RICTOR: variants seen among roughly 807,000 people sequenced by gnomAD.
RICTOR encodes RPTOR independent companion of MTOR complex 2.
Under a neutral mutation model 214.9 loss-of-function variants are expected in RICTOR, and 49 were observed. That is an observed-to-expected ratio of 0.23 (90% CI 0.18 to 0.29). RICTOR has a LOEUF of 0.29. Among genes scored for constraint, RICTOR ranks in the 10% least tolerant of loss-of-function variants. The pLI is 1.00. For synonymous variants in RICTOR, 717 were observed against 711.3 expected, an observed-to-expected ratio of 1.01 and a Z score of -0.13; for missense variants, 1,625 against 2,047.0, an observed-to-expected ratio of 0.79 and a Z score of 3.98.
intron 8 of RICTOR, among the ~76,000 whole-genome samples, chr5:38,979,109 G>GGT (rs1217753290): frequency 6.6e-6 from 1 of 152,064 alleles, no homozygotes; most frequent in Non-Finnish European, 1.5e-5. Context: ...ATTTTTGTGT[G>GGT]GTGTTGTTTG....
intron 2 of RICTOR, among the ~76,000 whole-genome samples, chr5:39,046,388 A>AAAG (rs536300632): frequency 1.1e-4 from 16 of 151,324 alleles, no homozygotes; most frequent in Non-Finnish European, 2.2e-4. Flanking sequence ...AAAAAAAAAA[A>AAAG]AAGAAGAAGA....
chr5:38,949,351 C>A, intron 31 of RICTOR: 1 of 1,551,040 alleles, frequency 6.4e-7, no homozygotes, highest in Non-Finnish European at 8.6e-7. Flanking sequence ...CTTAAATTGA[C>A]CTACCTGAAA....
At chr5:39,036,977 T>G (rs1226221567) in intron 2 of RICTOR, among the ~76,000 whole-genome samples, 1 of 152,146 alleles carries the variant, frequency 6.6e-6, no homozygotes, top group Non-Finnish European at 1.5e-5. Flanking sequence ...CTAATAGACA[T>G]CTACAGAACT....
Position 39,029,672 on chromosome 5 carries a change from C to G in RICTOR, c.98-8536G>C, listed in dbSNP as rs138199002. ...AAAAGAACTGAATTCAAGTCTAGCT[C>G]ATTCACCCCTAAACCATGTAGCCTT... On this transcript the variant is annotated intron_variant, in intron 2 of 37. Transcript: ENST00000357387. 3.8e-3 allele frequency among the ~76,000 whole-genome samples: 580 copies of G among 152,278 alleles called. 7 individuals are homozygous for G. Among genetic ancestry groups the G allele is most frequent in the Non-Finnish European group, 2.3e-3 (156 of 67,996 alleles).
chr5:39,030,679 T>C (rs1756214119), intron 2 of RICTOR, among the ~76,000 whole-genome samples: 1 of 152,226 alleles, frequency 6.6e-6, no homozygotes, highest in Non-Finnish European at 1.5e-5. Flanking sequence ...CTTACAATTA[T>C]CTTCAAATGC....
At chr5:38,947,779 T>C (rs960669817) in intron 31 of RICTOR, among the ~76,000 whole-genome samples, 5 of 152,158 alleles carry the variant, frequency 3.3e-5, no homozygotes, top group African/African-American at 7.2e-5. Context: ...AGGACTATCT[T>C]CATAATCACT....
At chr5:38,998,515 T>G (rs1347175597) in intron 5 of RICTOR, among the ~76,000 whole-genome samples, 1 of 152,148 alleles carries the variant, frequency 6.6e-6, no homozygotes, top group Non-Finnish European at 1.5e-5. Context: ...AATGTTCACA[T>G]TCTATCAGAC....
intron 2 of RICTOR, among the ~76,000 whole-genome samples, chr5:39,046,028 A>AAAAT (rs141969707): frequency 0.029 from 4,118 of 140,222 alleles, 79 homozygotes; most frequent in Middle Eastern, 0.039. Flanking sequence ...TCTGTCTTTA[A>AAAAT]AAATAAATAA....
chr5:38,969,999 G>GT (rs1328083622), intron 11 of RICTOR: 1 of 151,956 alleles, frequency 6.6e-6, no homozygotes, highest in African/African-American at 2.4e-5. Context: ...TATTTTTATT[G>GT]TACCTTTTCT....
At position 38,962,320 on chromosome 5, in the gene RICTOR, TA is replaced by T; in HGVS notation, c.1709del (p.Leu570TyrfsTer35). The stretch of plus-strand genomic sequence containing the variant: ...GCAAAATAGTTCTTACATACCTGTG[TA>T]ACTGTTCATCTTTATAGTTTCTTAG... ...VNLRNYKDEQ[L>X]HRFVRRLLYF... On this transcript the variant is annotated frameshift_variant, in exon 19 of 38. Coordinates refer to ENST00000357387, the MANE Select transcript of RICTOR (RefSeq NM_152756.5). LOFTEE classifies it high-confidence loss of function. 1 of 1,414,018 alleles carries T rather than the reference TA, an allele frequency of 7.1e-7. No homozygotes were observed. Among genetic ancestry groups the T allele is most frequent in the Non-Finnish European group, 9.8e-7 (1 of 1,016,760 alleles). 87.6% of individuals were successfully genotyped at this position (1,414,018 alleles called of 1,614,324 possible). A position where few individuals can be genotyped will look rare whatever the true frequency, so the allele number is the denominator to read the frequency against.
At chr5:39,034,705 G>T (rs1011103012) in intron 2 of RICTOR, among the ~76,000 whole-genome samples, 4 of 152,186 alleles carry the variant, frequency 2.6e-5, no homozygotes, top group Admixed American at 6.5e-5. Context: ...CGCCCACAGA[G>T]CCTCACTCAT....
intron 2 of RICTOR, among the ~76,000 whole-genome samples, chr5:39,048,653 G>A (rs1007029579): frequency 7.2e-5 from 11 of 152,170 alleles, no homozygotes; most frequent in African/African-American, 1.9e-4. Context: ...TTTGCCCCAT[G>A]TATCTTTTCC....
chr5:39,058,237 A>T (rs1758320654), intron 2 of RICTOR, among the ~76,000 whole-genome samples: 1 of 152,114 alleles, frequency 6.6e-6, no homozygotes, highest in African/African-American at 2.4e-5. Context: ...AAATCAGGGA[A>T]CATAAAGAGG....
At chr5:39,059,956 T>C (rs1015686054) in intron 2 of RICTOR, among the ~76,000 whole-genome samples, 1 of 152,102 alleles carries the variant, frequency 6.6e-6, no homozygotes, top group Admixed American at 6.5e-5. Flanking sequence ...CCTTAACTTC[T>C]CAAAGGCAGG....
intron 2 of RICTOR, among the ~76,000 whole-genome samples, chr5:39,065,525 A>G (rs1165544866): frequency 6.6e-6 from 1 of 152,220 alleles, no homozygotes; most frequent in Non-Finnish European, 1.5e-5. Context: ...ACAGTCTCCC[A>G]AAGTCTTAAC....
chr5:39,004,072 T>C (rs1466220076), intron 3 of RICTOR, among the ~76,000 whole-genome samples: 2 of 152,220 alleles, frequency 1.3e-5, no homozygotes, highest in African/African-American at 4.8e-5. Flanking sequence ...CTATACCGTA[T>C]TACTGTTAAT....
intron 2 of RICTOR, among the ~76,000 whole-genome samples, chr5:39,064,630 T>A (rs114816541): frequency 6.6e-6 from 1 of 152,178 alleles, no homozygotes; most frequent in South Asian, 2.1e-4. Context: ...TTATTCTTGG[T>A]AGCCTGAGAC....
At chr5:39,029,722 C>G (rs1756121711) in intron 2 of RICTOR, among the ~76,000 whole-genome samples, 1 of 152,190 alleles carries the variant, frequency 6.6e-6, no homozygotes, top group East Asian at 1.9e-4. Context: ...ACTTTATGAG[C>G]ATCCATTTTC....
chr5:39,002,629 G>A lies in RICTOR; in HGVS notation c.298C>T (p.Arg100Ter), dbSNP rs2150105786. 1 of 1,608,858 alleles carries A rather than the reference G, an allele frequency of 6.2e-7. No homozygotes were observed. The highest frequency in any genetic ancestry group is 8.5e-7 in the Non-Finnish European group (1 of 1,177,650). Residue 100 changes from arginine (R) to a stop codon, truncating the protein, a stop_gained, in exon 5 of 38, where the codon CGA becomes TGA. Transcript: ENST00000357387. LOFTEE classifies it high-confidence loss of function. ...LALLNEAKEV[R>*]AAGLRALRYL... Reference sequence around the variant, plus strand: ...CGAAGCGCTCGTAGCCCTGCTGCTCGCACTTCTTTTGCTTCATTTAATAAA... The same window carrying A: ...CGAAGCGCTCGTAGCCCTGCTGCTCACACTTCTTTTGCTTCATTTAATAAA...
Sources: gnomAD v4.1 joint callset for allele counts (sites outside exome capture counted in the v4.1 genomes callset) on GRCh38, gnomAD v4.1.1 for gene constraint, MANE v1.5 for transcripts, NCBI Gene and HGNC (gene_info 2026-07-23, HGNC 2026-07-21) for gene names.